The following TRABD2B variants were observed in gnomAD, a reference collection of about 807,000 sequenced individuals.
TRABD2B encodes metalloprotease TIKI2.
Under a neutral mutation model 40.1 loss-of-function variants are expected in TRABD2B, and 14 were observed. The ratio of observed to expected loss-of-function variants is 0.35; its 90% CI spans 0.23 to 0.55. The LOEUF (loss-of-function observed/expected upper bound fraction) is 0.55, where lower values mean the gene tolerates loss of function less well. Among genes scored for constraint, TRABD2B ranks in the 20% least tolerant of loss-of-function variants. The pLI, the probability that TRABD2B is intolerant of heterozygous loss-of-function variation, is 0.90. For missense variants in TRABD2B, 541 were observed against 648.6 expected, an observed-to-expected ratio of 0.83 and a Z score of 1.80; for synonymous variants, 263 against 277.0, an observed-to-expected ratio of 0.95 and a Z score of 0.50.
chr1:47,966,099 G>T (rs944591785), intron 2 of TRABD2B, among the ~76,000 whole-genome samples: 1 of 152,144 alleles, frequency 6.6e-6, no homozygotes, highest in Non-Finnish European at 1.5e-5. Context: ...GTCAGCACGG[G>T]GTCTGAGGGT....
At chr1:47,776,088 T>C (rs1416879833) in intron 5 of TRABD2B, among the ~76,000 whole-genome samples, 2 of 152,018 alleles carry the variant, frequency 1.3e-5, no homozygotes, top group Non-Finnish European at 2.9e-5. Context: ...ATCAGGATTA[T>C]GAAGGTGAAC....
chr1:47,784,407 G>A (rs997936264), intron 4 of TRABD2B, among the ~76,000 whole-genome samples: 2 of 152,172 alleles, frequency 1.3e-5, no homozygotes, highest in South Asian at 2.1e-4. Flanking sequence ...TTTCAGGACC[G>A]TGTTGAGGGG....
intron 5 of TRABD2B, among the ~76,000 whole-genome samples, chr1:47,777,251 G>A (rs1644460035): frequency 6.6e-6 from 1 of 152,212 alleles, no homozygotes; most frequent in Non-Finnish European, 1.5e-5. Flanking sequence ...ACTTGAAGAA[G>A]GCTTTGTCCC....
In TRABD2B at chr1:47,996,276, G is replaced by A. The variant is rs1461391538; in HGVS notation, c.102+412C>T. 1.3e-5 allele frequency among the ~76,000 whole-genome samples: 2 copies of A among 152,084 alleles called. No individual in the cohort carries two copies. Among genetic ancestry groups the A allele is most frequent in the Non-Finnish European group, 2.9e-5 (2 of 67,994 alleles). Reference sequence around the variant, plus strand: ...TGGGAGGGGGCAGAGTGTGTGAATGGGAGAGCAAAAGGGTTCGATGGAAGT... The same window carrying A: ...TGGGAGGGGGCAGAGTGTGTGAATGAGAGAGCAAAAGGGTTCGATGGAAGT... On this transcript the variant is annotated intron_variant, in intron 1 of 6. Coordinates refer to ENST00000606738, the MANE Select transcript of TRABD2B (RefSeq NM_001194986.2). This position sits in a 1 kb window ranked among gnomAD's most constrained non-coding sequence, Gnocchi z 4.6.
chr1:47,819,589 T>C (rs558223615), intron 2 of TRABD2B: 1 of 152,178 alleles, frequency 6.6e-6, no homozygotes, highest in African/African-American at 2.4e-5. Flanking sequence ...GACACGGCAA[T>C]GAACACAGCA....
intron 2 of TRABD2B, among the ~76,000 whole-genome samples, chr1:47,854,125 C>T (rs1643866899): frequency 6.6e-6 from 1 of 152,246 alleles, no homozygotes; most frequent in Non-Finnish European, 1.5e-5. Flanking sequence ...CTAGCTATGT[C>T]ATTTTGGGCA....
chr1:47,800,913 C>G (rs1018640034), intron 3 of TRABD2B, among the ~76,000 whole-genome samples: 2 of 152,180 alleles, frequency 1.3e-5, no homozygotes, highest in Non-Finnish European at 2.9e-5. Flanking sequence ...ACAAGGCCAG[C>G]AGAGGGCACG....
At chr1:47,960,395 G>A (rs1278335336) in intron 2 of TRABD2B, among the ~76,000 whole-genome samples, 3 of 152,088 alleles carry the variant, frequency 2.0e-5, no homozygotes, top group African/African-American at 7.2e-5. Context: ...AAATGAAGGG[G>A]ATTCAATTAG....
intron 3 of TRABD2B, among the ~76,000 whole-genome samples, chr1:47,799,379 C>T (rs1042860387): frequency 6.6e-6 from 1 of 152,196 alleles, no homozygotes; most frequent in African/African-American, 2.4e-5. Flanking sequence ...TCCTAGGAGC[C>T]TCGTGGTGTC....
chr1:47,770,671 T>C lies in TRABD2B; in HGVS notation c.1349+4499A>G, dbSNP rs1406148984. Among the ~76,000 whole-genome samples, 3 of 152,256 alleles carry C rather than the reference T, an allele frequency of 2.0e-5. No individual in the cohort carries two copies. The East Asian group carries it at 5.8e-4, about 29-fold the overall frequency. On this transcript the variant is annotated intron_variant, in intron 6 of 6. Transcript: ENST00000606738. ...CAGTGGCACCACACTGGAAGCCATC[T>C]GTCCCTGGCCATGACACGAGACTTT...
At chr1:47,957,718 C>G (rs1016407237) in intron 2 of TRABD2B, among the ~76,000 whole-genome samples, 2 of 151,988 alleles carry the variant, frequency 1.3e-5, no homozygotes, top group African/African-American at 4.8e-5. Context: ...GTGAAAAGAC[C>G]AAATCTACAT....
rs1365435231 is a variant in TRABD2B at position 47,990,767 on chromosome 1, GGTTTTATATATATATATATATATA to G, written c.666+3243_666+3266del. On this transcript the variant is annotated intron_variant, in intron 2 of 6. Coordinates refer to ENST00000606738, the MANE Select transcript of TRABD2B (RefSeq NM_001194986.2). ...TACAAGTTGTTGGTTTTAAAACGTT[GGTTTTATATATATATATATATATA>G]TATATATATATATATATATATATAT... 1.3e-3 allele frequency among the ~76,000 whole-genome samples: 88 copies of G among 66,640 alleles called. 2 individuals carry two copies. Among genetic ancestry groups the G allele is most frequent in the Middle Eastern group, 0.011 (1 of 88 alleles). The allele number at this position is 66,640 out of a possible 152,430, so 43.7% of individuals were successfully genotyped here.
intron 2 of TRABD2B, among the ~76,000 whole-genome samples, chr1:47,928,906 T>C (rs936273702): frequency 2.0e-5 from 3 of 152,230 alleles, no homozygotes; most frequent in Non-Finnish European, 2.9e-5. Context: ...CCTGTTGGAA[T>C]TGATCTCCCA....
At chr1:47,783,815 C>A (rs1169869045) in intron 4 of TRABD2B, among the ~76,000 whole-genome samples, 2 of 152,212 alleles carry the variant, frequency 1.3e-5, no homozygotes, top group Admixed American at 1.3e-4. Context: ...AGCCTGACAG[C>A]CCCTGTTGAT....
At chr1:47,841,215 T>C (rs1316612039) in intron 2 of TRABD2B, among the ~76,000 whole-genome samples, 1 of 152,168 alleles carries the variant, frequency 6.6e-6, no homozygotes, top group African/African-American at 2.4e-5. Context: ...CCTGCACCCA[T>C]TTTGGTTTTG....
chr1:47,880,463 G>A (rs1281845634), intron 2 of TRABD2B, among the ~76,000 whole-genome samples: 2 of 152,218 alleles, frequency 1.3e-5, no homozygotes, highest in African/African-American at 4.8e-5. Context: ...GAGACTGTGA[G>A]ACAATCAGTT....
At chr1:47,833,699 A>T (rs1457621235) in intron 2 of TRABD2B, among the ~76,000 whole-genome samples, 1 of 152,196 alleles carries the variant, frequency 6.6e-6, no homozygotes, top group Non-Finnish European at 1.5e-5. Flanking sequence ...TCTTCAGGAC[A>T]TTGCCTTCTG....
intron 2 of TRABD2B, among the ~76,000 whole-genome samples, chr1:47,848,837 C>A (rs1645507814): frequency 6.6e-6 from 1 of 152,170 alleles, no homozygotes; most frequent in East Asian, 1.9e-4. Context: ...CATGTGTCCC[C>A]AGGAGAAAAG....
chr1:47,775,424 G>A lies in TRABD2B; in HGVS notation c.1095C>T (p.Ser365=). 1 of 1,235,010 alleles carries A rather than the reference G, an allele frequency of 8.1e-7. No homozygotes were observed. Among genetic ancestry groups the A allele is most frequent in the Non-Finnish European group, 1.0e-6 (1 of 988,552 alleles). The allele number at this position is 1,235,010 out of a possible 1,614,324, so 76.5% of individuals were successfully genotyped here. A position where few individuals can be genotyped will look rare whatever the true frequency, so the allele number is the denominator to read the frequency against. The stretch of plus-strand genomic sequence containing the variant: ...AGGTCCCCTCAGGAGAGGGCGCTGG[G>A]CTCTGGGGGGCAGGGCTGGAAAGAG... ...GQAIHSPAPQ[S]PAPSPEGTST... The change falls in exon 6 of 7, where the codon AGC becomes AGT. Residue 365 remains serine (S), a synonymous_variant. Coordinates refer to ENST00000606738, the MANE Select transcript of TRABD2B (RefSeq NM_001194986.2).
Sources: allele counts gnomAD v4.1 joint callset (sites outside exome capture counted in the v4.1 genomes callset), GRCh38; gene constraint gnomAD v4.1.1; non-coding constraint Gnocchi (gnomAD v3.1); transcripts MANE v1.5; gene names NCBI Gene and HGNC (gene_info 2026-07-23, HGNC 2026-07-21).